CUX1: variants seen among roughly 807,000 people sequenced by gnomAD.
CUX1 encodes the protein protein CASP.
A neutral mutation model predicts 158.8 loss-of-function variants in CUX1; 31 were observed. That is an observed-to-expected ratio of 0.20 (90% CI 0.15 to 0.26). The LOEUF (loss-of-function observed/expected upper bound fraction) is 0.26. Ranked by LOEUF, CUX1 falls within the 10% of genes least tolerant of loss-of-function variation. CUX1 has a pLI of 1.00. For missense variants in CUX1, 1,589 were observed against 2,014.6 expected, an observed-to-expected ratio of 0.79 and a Z score of 4.04; for synonymous variants, 879 against 862.1, an observed-to-expected ratio of 1.02 and a Z score of -0.34.
intron 8 of CUX1, among the ~76,000 whole-genome samples, chr7:102,145,603 G>A (rs1834946967): frequency 6.6e-6 from 1 of 152,038 alleles, no homozygotes; most frequent in Non-Finnish European, 1.5e-5. Context: ...GGCTCCTCCT[G>A]TATAGGTGAC....
chr7:102,099,330 G>A (rs554715586), intron 5 of CUX1, among the ~76,000 whole-genome samples: 6 of 152,268 alleles, frequency 3.9e-5, no homozygotes, highest in Admixed American at 3.9e-4. Flanking sequence ...GCTTACTAGG[G>A]CTGGAACTGC....
intron 1 of CUX1, among the ~76,000 whole-genome samples, chr7:101,914,215 ATGCC>A (rs774882780): frequency 3.3e-5 from 5 of 152,180 alleles, no homozygotes; most frequent in Non-Finnish European, 5.9e-5. Context: ...ATGTGCCTGA[ATGCC>A]AGAAATACTA....
chr7:101,939,304 G>A (rs188048601), intron 2 of CUX1, among the ~76,000 whole-genome samples: 186 of 151,870 alleles, frequency 1.2e-3, no homozygotes, highest in African/African-American at 4.4e-3. Context: ...CAGTGGATTT[G>A]CAGTTCAACA....
chr7:102,161,293 A>T (rs1254106586), intron 9 of CUX1: 1 of 152,234 alleles, frequency 6.6e-6, no homozygotes, highest in African/African-American at 2.4e-5. Flanking sequence ...GGTTGCAGTG[A>T]GCTATGATTG....
At chr7:102,063,988 A>G (rs1013012103) in intron 3 of CUX1, among the ~76,000 whole-genome samples, 2 of 152,148 alleles carry the variant, frequency 1.3e-5, no homozygotes, top group East Asian at 1.9e-4. Flanking sequence ...GAGCCTGCAG[A>G]TCAGGGTAGC....
chr7:101,816,365 C>A (rs1791776568), upstream of CUX1, among the ~76,000 whole-genome samples: 1 of 143,972 alleles, frequency 6.9e-6, no homozygotes, highest in East Asian at 2.1e-4. Flanking sequence ...CACCACTGCC[C>A]CCGGTGTCTG....
chr7:102,105,998 G>A (rs945106705), intron 6 of CUX1, among the ~76,000 whole-genome samples: 1 of 151,888 alleles, frequency 6.6e-6, no homozygotes, highest in African/African-American at 2.4e-5. Flanking sequence ...GGGCCAAGTG[G>A]GACTGTGGCT....
chr7:102,149,460 T>A (rs1835391424), intron 8 of CUX1, among the ~76,000 whole-genome samples: 1 of 123,018 alleles, frequency 8.1e-6, no homozygotes, highest in South Asian at 2.9e-4. Flanking sequence ...GCAGGGTGTA[T>A]TCCTGTGTGC....
chr7:101,870,144 G>A (rs1584824081), intron 1 of CUX1, among the ~76,000 whole-genome samples: 1 of 111,208 alleles, frequency 9.0e-6, no homozygotes, highest in Non-Finnish European at 1.8e-5. Context: ...GATGTTTAGT[G>A]TTTTTTTTGT....
upstream of CUX1, chr7:101,817,434 G>A: frequency 2.0e-6 from 2 of 984,500 alleles, no homozygotes; most frequent in Non-Finnish European, 2.4e-6. This position sits in a 1 kb window ranked among gnomAD's most constrained non-coding sequence, Gnocchi z 4.1. Flanking sequence ...GGCATGCCGG[G>A]CGGTGGTCCG....
intron 8 of CUX1, among the ~76,000 whole-genome samples, chr7:102,144,805 A>T (rs1834852771): frequency 6.6e-6 from 1 of 151,810 alleles, no homozygotes; most frequent in South Asian, 2.1e-4. Flanking sequence ...ATTTTAATTT[A>T]GGCTGGGCGC....
intron 1 of CUX1, among the ~76,000 whole-genome samples, chr7:101,907,759 C>A (rs1199490468): frequency 6.6e-6 from 1 of 152,050 alleles, no homozygotes; most frequent in Non-Finnish European, 1.5e-5. Context: ...ATGAGATGTC[C>A]TAAGACCTTG....
At chr7:101,840,932 C>T (rs1795136167) in intron 1 of CUX1, among the ~76,000 whole-genome samples, 1 of 151,588 alleles carries the variant, frequency 6.6e-6, no homozygotes, top group African/African-American at 2.4e-5. Flanking sequence ...CTTGCTCTAT[C>T]GCCCAGGCTG....
chr7:102,155,738 A>G (rs73712425), intron 8 of CUX1, among the ~76,000 whole-genome samples: 146 of 152,220 alleles, frequency 9.6e-4, no homozygotes, highest in African/African-American at 3.4e-3. Context: ...TAATTTTTTT[A>G]ATTACCATTT....
At chr7:102,106,669 AG>A (rs1172660540) in intron 6 of CUX1, among the ~76,000 whole-genome samples, 3 of 152,186 alleles carry the variant, frequency 2.0e-5, no homozygotes, top group Admixed American at 1.3e-4. Flanking sequence ...ACAGATTATG[AG>A]TACAAAATAT....
chr7:101,984,113 T>G (rs1163056522), intron 2 of CUX1, among the ~76,000 whole-genome samples: 1 of 70,586 alleles, frequency 1.4e-5, no homozygotes, highest in Non-Finnish European at 2.7e-5. Context: ...TATATATATA[T>G]ATATATATAT....
intron 4 of CUX1, among the ~76,000 whole-genome samples, chr7:102,077,414 G>A (rs1302960796): frequency 1.3e-5 from 2 of 151,706 alleles, no homozygotes; most frequent in Non-Finnish European, 2.9e-5. Flanking sequence ...TGGGGATCGG[G>A]CGCAGTGGCT....
chr7:101,827,378 T>A (rs1213847522), intron 1 of CUX1, among the ~76,000 whole-genome samples: 1 of 152,116 alleles, frequency 6.6e-6, no homozygotes, highest in Non-Finnish European at 1.5e-5. Flanking sequence ...TAATCATAGC[T>A]GACTGCAGCC....
chr7:102,040,295 G>A (rs1182476739), intron 3 of CUX1, among the ~76,000 whole-genome samples: 1 of 152,152 alleles, frequency 6.6e-6, no homozygotes, highest in Non-Finnish European at 1.5e-5. Context: ...GAACATCAGA[G>A]GAAAGAAGCA....
Sources: allele counts gnomAD v4.1 joint callset (sites outside exome capture counted in the v4.1 genomes callset), GRCh38; gene constraint gnomAD v4.1.1; non-coding constraint Gnocchi (gnomAD v3.1); transcripts MANE v1.5; gene names NCBI Gene and HGNC (gene_info 2026-07-23, HGNC 2026-07-21).